Variants in RASA2 observed in about 807,000 individuals in gnomAD.
RASA2 encodes RAS p21 protein activator 2.
In RASA2, 155 loss-of-function variants were observed where a neutral mutation model predicts 118.2. The ratio of observed to expected loss-of-function variants is 1.31; its 90% confidence interval spans 1.15 to 1.50. The LOEUF is 1.50. Among genes scored for constraint, RASA2 ranks in the 40% most tolerant of loss-of-function variants. The pLI, the probability that RASA2 is intolerant of heterozygous loss-of-function variation, is 0.00. For synonymous variants in RASA2, 353 were observed against 349.1 expected (o/e 1.01, Z -0.12); for missense variants, 1,016 against 1,009.6 (o/e 1.01, Z -0.09).
chr3:141,524,053 A>T (rs2082150206), intron 3 of RASA2, among the ~76,000 whole-genome samples: 1 of 152,198 alleles, frequency 6.6e-6, no homozygotes, highest in Admixed American at 6.5e-5. Context: ...ACTGCTATGT[A>T]AGTACTCCAA....
chr3:141,590,743 T>C (rs2083274944), intron 19 of RASA2, among the ~76,000 whole-genome samples: 1 of 152,204 alleles, frequency 6.6e-6, no homozygotes, highest in Admixed American at 6.5e-5. Context: ...TCTTTCACTC[T>C]CTCTTCCTAA....
At chr3:141,556,791 C>T (rs1308564221) in intron 7 of RASA2, among the ~76,000 whole-genome samples, 1 of 151,822 alleles carries the variant, frequency 6.6e-6, no homozygotes. Flanking sequence ...GAGAGAATAA[C>T]GGTACCTCTA....
At chr3:141,527,243 A>G (rs2082197846) in intron 3 of RASA2, among the ~76,000 whole-genome samples, 1 of 152,186 alleles carries the variant, frequency 6.6e-6, no homozygotes, top group East Asian at 1.9e-4. Context: ...ATGTATGTAC[A>G]TATGTACATC....
chr3:141,497,794 C>T (rs1455419968), intron 1 of RASA2, among the ~76,000 whole-genome samples: 1 of 151,308 alleles, frequency 6.6e-6, no homozygotes, highest in Non-Finnish European at 1.5e-5. Context: ...ATCACTTGAG[C>T]CCAGGAGGTT....
In RASA2 at chr3:141,487,142, CG is replaced by C. The variant is rs2081586944; in HGVS notation, c.60del (p.Thr21LeufsTer39). 6.9e-7 allele frequency: 1 copy of C among 1,453,238 alleles called. No individual in the cohort carries two copies. Among genetic ancestry groups the C allele is most frequent in the Admixed American group, 2.4e-5 (1 of 40,868 alleles). 90.0% of individuals were successfully genotyped at this position (1,453,238 alleles called of 1,614,324 possible). A position where few individuals can be genotyped will look rare whatever the true frequency, so the allele number is the denominator to read the frequency against. ...TCTTCCGAGGCGCCAGCGGCGAGTG[CG>C]ACTGCAGAGCCCGAGGCCGGGGACC... ...AASSEAPAAS[A>X]TAEPEAGDQD... On this transcript the variant is annotated frameshift_variant, in exon 1 of 24. Transcript: ENST00000286364. LOFTEE classifies it high-confidence loss of function.
At chr3:141,603,395 A>G (rs1472927651) in intron 19 of RASA2, among the ~76,000 whole-genome samples, 1 of 151,898 alleles carries the variant, frequency 6.6e-6, no homozygotes. Context: ...ACATGGTGAA[A>G]CTCCATCTCT....
intron 1 of RASA2, among the ~76,000 whole-genome samples, chr3:141,492,482 T>G (rs920721955): frequency 2.0e-5 from 3 of 152,200 alleles, no homozygotes; most frequent in Non-Finnish European, 4.4e-5. Flanking sequence ...GTGATAAACA[T>G]TAAAAGTTTG....
intron 5 of RASA2, among the ~76,000 whole-genome samples, chr3:141,542,876 A>G (rs1233003575): frequency 6.6e-6 from 1 of 152,122 alleles, no homozygotes; most frequent in African/African-American, 2.4e-5. Flanking sequence ...GGAATCTTAT[A>G]ATATGTGACC....
At chr3:141,565,918 A>C (rs2082813186) in intron 9 of RASA2, among the ~76,000 whole-genome samples, 1 of 152,138 alleles carries the variant, frequency 6.6e-6, no homozygotes, top group Non-Finnish European at 1.5e-5. Context: ...TGGGATAGTG[A>C]TGTAATTTCT....
intron 15 of RASA2, among the ~76,000 whole-genome samples, chr3:141,577,584 G>T (rs1241551026): frequency 6.6e-6 from 1 of 152,062 alleles, no homozygotes; most frequent in African/African-American, 2.4e-5. Flanking sequence ...ATTTAATTTA[G>T]AAACAGCATC....
chr3:141,541,295 G>A (rs1337879504), intron 5 of RASA2, among the ~76,000 whole-genome samples: 1 of 152,116 alleles, frequency 6.6e-6, no homozygotes, highest in Non-Finnish European at 1.5e-5. Context: ...ATATTGTAAG[G>A]TCAGGGAGTA....
intron 5 of RASA2, 110 bp from the exon 6 acceptor site, chr3:141,553,747 C>T (rs767751388): frequency 1.5e-5 from 23 of 1,486,126 alleles, no homozygotes; most frequent in Middle Eastern, 1.9e-4. Flanking sequence ...ACTGCAGACA[C>T]ATGGAAAACA....
chr3:141,563,671 T>C (rs1412849489), intron 9 of RASA2, among the ~76,000 whole-genome samples: 1 of 152,162 alleles, frequency 6.6e-6, no homozygotes, highest in Non-Finnish European at 1.5e-5. Flanking sequence ...ATACTCCTTA[T>C]TTGACAAATG....
chr3:141,490,152 C>T (rs1325980105), intron 1 of RASA2, among the ~76,000 whole-genome samples: 7 of 151,808 alleles, frequency 4.6e-5, no homozygotes. Flanking sequence ...TCTGAATTGT[C>T]TGCTTCCTTA....
Position 141,512,294 on chromosome 3 carries a change from A to T in RASA2, c.251+14A>T, listed in dbSNP as rs572653593. On this transcript the variant is annotated intron_variant, in intron 2 of 23. Transcript: ENST00000286364. ...AAAATCTTTAAGGTTGGTAGAAAAA[A>T]TTGGTAAATTATAATTTTTACTATA... is the stretch of plus-strand genomic sequence containing the variant. The T allele has an allele frequency of 1.3e-6, 2 of 1,512,844 alleles. No individual in the cohort carries two copies. Among genetic ancestry groups the T allele is most frequent in the Admixed American group, 4.1e-5 (2 of 49,256 alleles). 93.7% of individuals were successfully genotyped at this position (1,512,844 alleles called of 1,614,324 possible). A position where few individuals can be genotyped will look rare whatever the true frequency, so the allele number is the denominator to read the frequency against.
At chr3:141,504,225 T>A (rs1216050625) in intron 1 of RASA2, among the ~76,000 whole-genome samples, 3 of 152,228 alleles carry the variant, frequency 2.0e-5, no homozygotes, top group African/African-American at 4.8e-5. Context: ...TTCAAATTTC[T>A]TTTCTATATT....
intron 9 of RASA2, among the ~76,000 whole-genome samples, chr3:141,561,951 G>A (rs1228321713): frequency 2.0e-5 from 3 of 151,596 alleles, no homozygotes; most frequent in African/African-American, 7.3e-5. Flanking sequence ...TTTTTGTGGG[G>A]GGGCGGTCTT....
At chr3:141,584,087 C>T (rs2083159067) in intron 17 of RASA2, among the ~76,000 whole-genome samples, 2 of 152,002 alleles carry the variant, frequency 1.3e-5, no homozygotes, top group African/African-American at 4.8e-5. Flanking sequence ...AATCCCAGCA[C>T]TTTGGGAGGC....
chr3:141,612,528 A>G lies in RASA2; in HGVS notation c.*215A>G. ...GAATTTAAAGCCCAAGATTCCCTTC[A>G]TACCTGTGTGACCAAATCCATGTTT... On this transcript the variant is annotated 3_prime_UTR_variant, in exon 24 of 24. Coordinates refer to ENST00000286364, the MANE Select transcript of RASA2 (RefSeq NM_006506.5). 4.6e-6 allele frequency: 2 copies of G among 436,984 alleles called. No homozygotes were observed. Among genetic ancestry groups the G allele is most frequent in the Non-Finnish European group, 8.3e-6 (2 of 242,424 alleles). 27.1% of individuals were successfully genotyped at this position (436,984 alleles called of 1,614,324 possible).
Sources: gnomAD v4.1 joint callset for allele counts (sites outside exome capture counted in the v4.1 genomes callset) on GRCh38, gnomAD v4.1.1 for gene constraint, MANE v1.5 for transcripts, NCBI Gene and HGNC (gene_info 2026-07-23, HGNC 2026-07-21) for gene names.